PDZD4: variants seen among roughly 807,000 people sequenced by gnomAD.
PDZD4 encodes PDZ domain containing 4, also known as PDZ domain-containing protein 4.
PDZD4 carries 9 observed loss-of-function variants against 38.5 expected under a neutral mutation model. That is an observed-to-expected ratio of 0.23 (90% confidence interval 0.14 to 0.41). The LOEUF (loss-of-function observed/expected upper bound fraction) is 0.41, where lower values mean the gene tolerates loss of function less well. Among genes scored for constraint, PDZD4 ranks in the 10% least tolerant of loss-of-function variants. The pLI is 1.00. For missense variants in PDZD4, 612 were observed against 722.0 expected (o/e 0.85, Z 1.75); for synonymous variants, 349 against 315.7 (o/e 1.11, Z -1.12).
At chrX:153,826,426 T>G (rs80076472) in intron 1 of PDZD4, among the ~76,000 whole-genome samples, 1 of 109,925 alleles carries the variant, frequency 9.1e-6, no homozygotes, top group Non-Finnish European at 1.9e-5. Context: ...ATTTTTTTTT[T>G]GAGACAGAGT....
rs1557075431 is a variant in PDZD4 at position 153,803,740 on chromosome X, C to T, written c.1941G>A (p.Val647=). 8.3e-7 allele frequency: 1 copy of T among 1,208,594 alleles called. No individual in the cohort carries two copies. The highest frequency in any genetic ancestry group is 3.0e-5 in the East Asian group (1 of 33,752). The change falls in exon 8 of 8, where the codon GTG becomes GTA. Residue 647 remains valine, a synonymous_variant. Transcript: ENST00000393758. ...DGTRYVAKRP[V]RDRLLKARAL... is the part of the protein sequence containing the mutation. ...CACGGGCTTTCAGCAGCCGATCTCG[C>T]ACGGGCCGCTTGGCCACGTAGCGGG...
chrX:153,812,733 T>G (rs2064322404), intron 1 of PDZD4, among the ~76,000 whole-genome samples: 1 of 110,949 alleles, frequency 9.0e-6, no homozygotes, highest in Non-Finnish European at 1.9e-5. Flanking sequence ...CAAAGAGGTA[T>G]AGGGCCAGGC....
chrX:153,817,566 G>A (rs2064375927), intron 1 of PDZD4, among the ~76,000 whole-genome samples: 1 of 112,195 alleles, frequency 8.9e-6, no homozygotes, highest in Non-Finnish European at 1.9e-5. Context: ...TCACTGCTGA[G>A]GGATATGAGG....
At chrX:153,822,767 C>T (rs2064439850) in intron 1 of PDZD4, among the ~76,000 whole-genome samples, 2 of 110,925 alleles carry the variant, frequency 1.8e-5, no homozygotes, top group South Asian at 7.6e-4. Context: ...AAGCCTCCAA[C>T]TCCTGGGTTC....
chrX:153,830,418 G>T lies in PDZD4; in HGVS notation c.-120C>A. On this transcript the variant is annotated 5_prime_UTR_variant, in exon 1 of 8. Transcript: ENST00000393758. ...GGCCATACCCTGGCGCGGGGGGCGG[G>T]CCGCCTAGCGGGGGAGGGGGGCACG... 1.8e-6 allele frequency: 1 copy of T among 549,666 alleles called. No homozygotes were observed. Among genetic ancestry groups the T allele is most frequent in the South Asian group, 3.3e-5 (1 of 30,160 alleles). The allele number at this position is 549,666 out of a possible 1,213,427, so 45.3% of individuals were successfully genotyped here.
At position 153,830,398 on chromosome X, in the gene PDZD4, T is replaced by C; in HGVS notation, c.-100A>G. Reference sequence around the variant, plus strand: ...GGTCCCGGGCCGGGGCCAGGGGCCATACCCTGGCGCGGGGGGCGGGCCGCC... The same window carrying C: ...GGTCCCGGGCCGGGGCCAGGGGCCACACCCTGGCGCGGGGGGCGGGCCGCC... On this transcript the variant is annotated 5_prime_UTR_variant, in exon 1 of 8. It removes an upstream start codon present in the reference 5' UTR. Transcript: ENST00000393758. The C allele has an allele frequency of 1.5e-6, 1 of 656,562 alleles. No individual in the cohort carries two copies. The highest frequency in any genetic ancestry group is 2.3e-6 in the Non-Finnish European group (1 of 439,969). The allele number at this position is 656,562 out of a possible 1,213,427, so 54.1% of individuals were successfully genotyped here. A position where few individuals can be genotyped will look rare whatever the true frequency, so the allele number is the denominator to read the frequency against.
At position 153,804,867 on chromosome X, in the gene PDZD4, C is replaced by T. The variant is rs1007050008; in HGVS notation, c.814G>A (p.Ala272Thr). Residue 272 changes from alanine (A) to threonine (T), a missense_variant, in exon 8 of 8, where the codon GCC (alanine) becomes ACC (threonine). This residue lies in a region of PDZD4 where 225 missense variants were observed against 311.0 expected (regional missense o/e 0.72). Transcript: ENST00000393758. ...GNEEEKGAPD[A>T]GPGLSNSQEL... The stretch of plus-strand genomic sequence containing the variant: ...TGGCTGTTGCTCAGGCCTGGGCCGG[C>T]ATCGGGAGCCCCCTTCTCCTCTTCG... 1 of 1,209,972 alleles carries T rather than the reference C, an allele frequency of 8.3e-7. No individual in the cohort carries two copies. The highest frequency in any genetic ancestry group is 2.2e-5 in the Admixed American group (1 of 46,042).
At position 153,804,605 on chromosome X, in the gene PDZD4, T is replaced by C; in HGVS notation, c.1076A>G (p.Glu359Gly). The C allele has an allele frequency of 8.3e-7, 1 of 1,209,520 alleles. No homozygotes were observed. The highest frequency in any genetic ancestry group is 1.1e-6 in the Non-Finnish European group (1 of 895,352). Residue 359 changes from glutamate (E) to glycine (G), a missense_variant, in exon 8 of 8, where the codon GAG (glutamate) becomes GGG (glycine). Transcript: ENST00000393758. Reference sequence around the variant, plus strand: ...CAGGAGCTCACGGTAGCGCTCATACTCCTCATCCGTGAGGCCCGGGACGTC... The same window carrying C: ...CAGGAGCTCACGGTAGCGCTCATACCCCTCATCCGTGAGGCCCGGGACGTC... ...GGDVPGLTDEEYERYRELLEI... is the reference protein window; with the variant it reads ...GGDVPGLTDEGYERYRELLEI...
In PDZD4 at chrX:153,803,882, T is replaced by A. The variant is rs781841478; in HGVS notation, c.1799A>T (p.Glu600Val). The A allele has an allele frequency of 1.7e-6, 2 of 1,185,414 alleles. No individual in the cohort carries two copies. Among genetic ancestry groups the A allele is most frequent in the Admixed American group, 4.6e-5 (2 of 43,764 alleles). ...CVQLAPTRGL[E>V]ELGHGPLSLA... Reference sequence around the variant, plus strand: ...GCTCAGGGGGCCGTGGCCCAGCTCCTCCAGGCCTCGCGTCGGGGCCAGCTG... The same window carrying A: ...GCTCAGGGGGCCGTGGCCCAGCTCCACCAGGCCTCGCGTCGGGGCCAGCTG... Residue 600 changes from glutamate to valine, a missense_variant, in exon 8 of 8, where the codon GAG becomes GTG. By Grantham distance (121) the Glu-to-Val change is moderately radical. Coordinates refer to ENST00000393758, the MANE Select transcript of PDZD4 (RefSeq NM_001303512.2).
In PDZD4 at chrX:153,808,471, C is replaced by G; in HGVS notation, c.185G>C (p.Cys62Ser). The change falls in exon 2 of 8, where the codon TGT (cysteine) becomes TCT (serine). Residue 62 changes from cysteine to serine, a missense_variant. By Grantham distance (112) the Cys-to-Ser change is moderately radical. Around this residue, in one of 3 missense-constraint regions of PDZD4, gnomAD observed 225 missense variants for 311.0 expected, o/e 0.72. Coordinates refer to ENST00000393758, the MANE Select transcript of PDZD4 (RefSeq NM_001303512.2). The stretch of plus-strand genomic sequence containing the variant: ...ACTGTCCACCAGCTGCAGGTCGTGA[C>G]AGGAGCTGTCCCCCCGGAGGCGGGG... ...RSPRLRGDSS[C>S]HDLQLVDSGT... The G allele has an allele frequency of 8.3e-7, 1 of 1,211,622 alleles. No homozygotes were observed. Among genetic ancestry groups the G allele is most frequent in the Non-Finnish European group, 1.1e-6 (1 of 895,549 alleles).
intron 1 of PDZD4, among the ~76,000 whole-genome samples, chrX:153,822,652 C>CCTCT (rs782265290): frequency 0.049 from 4,875 of 99,658 alleles, 317 homozygotes; most frequent in African/African-American, 0.17. Context: ...TCCCTCCCTC[C>CCTCT]CTCTCTCTCT....
chrX:153,805,299 G>C, intron 6 of PDZD4, 92 bp from the exon 7 acceptor site: 1 of 889,145 alleles, frequency 1.1e-6, no homozygotes, highest in East Asian at 3.2e-5. Context: ...GGCTTGTTTC[G>C]GTGAAGCTCA....
chrX:153,830,082 A>C, intron 1 of PDZD4, 157 bp downstream of exon 1: 4 of 536,252 alleles, frequency 7.5e-6, no homozygotes, highest in Non-Finnish European at 7.9e-6. Context: ...ACGGAGCGCC[A>C]ACACCCAACA....
rs782000786 is a variant in PDZD4 at position 153,806,857 on chromosome X, G to A, written c.406-17C>T. 4.1e-5 allele frequency: 49 copies of A among 1,183,306 alleles called. No homozygotes were observed. The highest frequency in any genetic ancestry group is 8.9e-5 in the East Asian group (3 of 33,703). On this transcript the variant is annotated splice_polypyrimidine_tract_variant and intron_variant, in intron 3 of 7. Coordinates refer to ENST00000393758, the MANE Select transcript of PDZD4 (RefSeq NM_001303512.2). ...CTCCACCTCCTGCCACGAGGGGTCCGGGAGGAAGCAGAGGTAGAAAGCCCC... is the reference window on the plus strand; with the variant it reads ...CTCCACCTCCTGCCACGAGGGGTCCAGGAGGAAGCAGAGGTAGAAAGCCCC...
intron 2 of PDZD4, chrX:153,807,810 C>A: frequency 1.0e-6 from 1 of 960,963 alleles, no homozygotes; most frequent in African/African-American, 2.0e-5. Flanking sequence ...GCCCTCCTGG[C>A]CCCAAAACTA....
chrX:153,829,750 CG>C lies in PDZD4; in HGVS notation c.60+488del, dbSNP rs1466123573. ...CCACTCACCCGAGACGCCTAAGGCCCGGGAGCCCATCGTTCGGGCAGGGCCA... is the reference window on the plus strand; with the variant it reads ...CCACTCACCCGAGACGCCTAAGGCCCGGAGCCCATCGTTCGGGCAGGGCCA... On this transcript the variant is annotated intron_variant, in intron 1 of 7. Coordinates refer to ENST00000393758, the MANE Select transcript of PDZD4 (RefSeq NM_001303512.2). The C allele has an allele frequency of 1.1e-4, 80 of 754,164 alleles. No individual in the cohort carries two copies. In the African/African-American group the frequency reaches 1.8e-3, roughly 17 times the overall value. The allele number at this position is 754,164 out of a possible 1,213,427, so 62.2% of individuals were successfully genotyped here.
chrX:153,827,759 T>C (rs1436370610), intron 1 of PDZD4, among the ~76,000 whole-genome samples: 1 of 111,500 alleles, frequency 9.0e-6, no homozygotes, highest in Non-Finnish European at 1.9e-5. Flanking sequence ...ATGAAAACGT[T>C]CTGGAATTAC....
At chrX:153,806,665 G>T in intron 4 of PDZD4, 77 bp downstream of exon 4, 1 of 933,864 alleles carries the variant, frequency 1.1e-6, no homozygotes, top group Non-Finnish European at 1.5e-6. Context: ...TGGTAGCTGG[G>T]ACCTTAAGGG....
rs782497692 is a variant in PDZD4, at chrX:153,805,136, C to T, written c.741G>A (p.Glu247=). 2 of 1,211,650 alleles carry T rather than the reference C, an allele frequency of 1.7e-6. No individual in the cohort carries two copies. Among genetic ancestry groups the T allele is most frequent in the Admixed American group, 2.2e-5 (1 of 46,103 alleles). The change falls in exon 7 of 8, where the codon GAG becomes GAA. Residue 247 remains glutamate, a synonymous_variant. Coordinates refer to ENST00000393758, the MANE Select transcript of PDZD4 (RefSeq NM_001303512.2). ...LDDFGSENEG[E]LRARKLKSPP... ...GTGATTTCAGTTTACGAGCACGCAG[C>T]TCCCCCTCATTCTCAGAGCCAAAGT...
Sources: gnomAD v4.1 joint callset for allele counts (sites outside exome capture counted in the v4.1 genomes callset) on GRCh38, gnomAD v4.1.1 for gene constraint, gnomAD v4.1.1 regional missense constraint, MANE v1.5 for transcripts, NCBI Gene and HGNC (gene_info 2026-07-23, HGNC 2026-07-21) for gene names.